Variants in FAM135B observed in about 807,000 individuals in gnomAD.
FAM135B encodes family with sequence similarity 135 member B.
In FAM135B, 43 loss-of-function variants were observed where a neutral mutation model predicts 127.7. The observed-to-expected ratio is 0.34, with a 90% CI of 0.26 to 0.43. The LOEUF is 0.43. Ranked by LOEUF, FAM135B falls within the 20% of genes least tolerant of loss-of-function variation. FAM135B has a pLI of 1.00. For synonymous variants in FAM135B, 670 were observed against 665.1 expected, an observed-to-expected ratio of 1.01 and a Z score of -0.11; for missense variants, 1,558 against 1,725.6, an observed-to-expected ratio of 0.90 and a Z score of 1.72.
At chr8:138,187,289 A>G (rs982216564) in intron 9 of FAM135B, among the ~76,000 whole-genome samples, 22 of 152,190 alleles carry the variant, frequency 1.4e-4, no homozygotes, top group African/African-American at 5.3e-4. Context: ...AGTGGGAAAA[A>G]TTCGTATCTG....
rs1817618364 is a variant in FAM135B, at chr8:138,146,016, G to A, written c.3483C>T (p.Phe1161=). 4.3e-6 allele frequency: 7 copies of A among 1,610,282 alleles called. No individual in the cohort carries two copies. Among genetic ancestry groups the A allele is most frequent in the South Asian group, 1.1e-5 (1 of 90,980 alleles). The change falls in exon 15 of 20, where the codon TTC becomes TTT. Residue 1161 remains phenylalanine (F), a synonymous_variant. Coordinates refer to ENST00000395297, the MANE Select transcript of FAM135B (RefSeq NM_015912.4). ...NSADLRLVKT[F]IELGLPGGKL... is the part of the protein sequence containing the mutation. The stretch of plus-strand genomic sequence containing the variant: ...TTCCTCCAGGGAGCCCCAGTTCTAT[G>A]AAAGTCTTTACCAGCCGGAGGTCTG...
intron 8 of FAM135B, among the ~76,000 whole-genome samples, chr8:138,196,609 G>A (rs1447602252): frequency 6.6e-6 from 1 of 152,180 alleles, no homozygotes. Context: ...CAAAACCACA[G>A]TTATCTCAGC....
chr8:138,326,239 G>C (rs1827791259), intron 2 of FAM135B, among the ~76,000 whole-genome samples: 1 of 152,154 alleles, frequency 6.6e-6, no homozygotes, highest in African/African-American at 2.4e-5. Flanking sequence ...TGTGCTCAAA[G>C]AAGTTGCTGC....
intron 3 of FAM135B, among the ~76,000 whole-genome samples, chr8:138,269,667 A>G (rs187512530): frequency 2.0e-5 from 3 of 152,244 alleles, no homozygotes; most frequent in African/African-American, 2.4e-5. Flanking sequence ...TAAGGGAAAT[A>G]TAAGTTCTAG....
intron 6 of FAM135B, among the ~76,000 whole-genome samples, chr8:138,244,061 A>T (rs1426325675): frequency 6.6e-6 from 1 of 152,150 alleles, no homozygotes; most frequent in Non-Finnish European, 1.5e-5. Flanking sequence ...TTCCTGCTTA[A>T]AATATTGACA....
chr8:138,288,263 C>T (rs905141789), intron 3 of FAM135B, among the ~76,000 whole-genome samples: 1 of 152,106 alleles, frequency 6.6e-6, no homozygotes, highest in African/African-American at 2.4e-5. Context: ...ATCAAATTAC[C>T]AGACTAGGAA....
At chr8:138,279,084 CT>C (rs1267980273) in intron 3 of FAM135B, among the ~76,000 whole-genome samples, 2 of 152,166 alleles carry the variant, frequency 1.3e-5, no homozygotes, top group Non-Finnish European at 2.9e-5. Flanking sequence ...ATCCGTAAAT[CT>C]TTTTTGAATG....
intron 1 of FAM135B, among the ~76,000 whole-genome samples, chr8:138,460,799 G>A (rs188616654): frequency 1.3e-5 from 2 of 152,238 alleles, no homozygotes; most frequent in Non-Finnish European, 2.9e-5. Context: ...GAGATGTGAC[G>A]TTGGGAGCTG....
intron 1 of FAM135B, among the ~76,000 whole-genome samples, chr8:138,406,633 A>T (rs112907517): frequency 6.6e-6 from 1 of 151,822 alleles, no homozygotes; most frequent in Non-Finnish European, 1.5e-5. Flanking sequence ...GTAATCCAGC[A>T]TATAAACAGA....
At chr8:138,444,427 AG>A (rs1835986498) in intron 1 of FAM135B, among the ~76,000 whole-genome samples, 3 of 152,218 alleles carry the variant, frequency 2.0e-5, no homozygotes, top group Admixed American at 2.0e-4. Flanking sequence ...CAAATGTGAA[AG>A]AACAGAAATT....
chr8:138,265,292 C>T (rs190572401), intron 4 of FAM135B, among the ~76,000 whole-genome samples: 6 of 152,278 alleles, frequency 3.9e-5, no homozygotes, highest in Admixed American at 6.5e-5. Flanking sequence ...AAATTATCAA[C>T]CCTTTCAAGG....
intron 1 of FAM135B, among the ~76,000 whole-genome samples, chr8:138,456,282 C>T (rs1836772043): frequency 6.6e-6 from 1 of 152,184 alleles, no homozygotes; most frequent in African/African-American, 2.4e-5. Flanking sequence ...ATTGAAGTCA[C>T]CAAAATGAAC....
chr8:138,419,560 T>C (rs1834367300), intron 1 of FAM135B, among the ~76,000 whole-genome samples: 1 of 152,148 alleles, frequency 6.6e-6, no homozygotes, highest in Admixed American at 6.5e-5. Flanking sequence ...TATACATTAT[T>C]CTTATCAGCA....
At chr8:138,149,213 G>GT (rs1817919699) in intron 13 of FAM135B, among the ~76,000 whole-genome samples, 1 of 151,962 alleles carries the variant, frequency 6.6e-6, no homozygotes, top group Non-Finnish European at 1.5e-5. Flanking sequence ...GCTTCTATGG[G>GT]TTTTGGTTCT....
chr8:138,322,217 T>C (rs974419696), intron 2 of FAM135B, among the ~76,000 whole-genome samples: 1 of 152,162 alleles, frequency 6.6e-6, no homozygotes, highest in Non-Finnish European at 1.5e-5. Flanking sequence ...CAGCTTCCCA[T>C]AAAGCATGTA....
chr8:138,446,606 A>G (rs1381202019), intron 1 of FAM135B, among the ~76,000 whole-genome samples: 1 of 152,216 alleles, frequency 6.6e-6, no homozygotes, highest in Non-Finnish European at 1.5e-5. Flanking sequence ...AGCCATATGT[A>G]GAAAGCTGAA....
intron 3 of FAM135B, among the ~76,000 whole-genome samples, chr8:138,283,122 C>T (rs1042115698): frequency 1.3e-5 from 2 of 151,998 alleles, no homozygotes; most frequent in Non-Finnish European, 2.9e-5. Context: ...GATGGTCTCA[C>T]TCTCTTGACC....
intron 12 of FAM135B, among the ~76,000 whole-genome samples, chr8:138,161,593 A>G (rs1819397710): frequency 6.6e-6 from 1 of 152,252 alleles, no homozygotes. Flanking sequence ...ATTGAATGTG[A>G]CCATGAAGTA....
intron 1 of FAM135B, chr8:138,437,250 C>T (rs1033912588): frequency 6.6e-6 from 1 of 152,138 alleles, no homozygotes; most frequent in South Asian, 2.1e-4. Flanking sequence ...TGGGTTAAAA[C>T]CCTAGCTCTG....
Sources: gnomAD v4.1 joint callset for allele counts (sites outside exome capture counted in the v4.1 genomes callset) on GRCh38, gnomAD v4.1.1 for gene constraint, MANE v1.5 for transcripts, NCBI Gene and HGNC (gene_info 2026-07-23, HGNC 2026-07-21) for gene names.